The following FOXN3 variants were observed in gnomAD, a reference collection of about 807,000 sequenced individuals.
FOXN3 encodes forkhead box protein N3.
FOXN3 carries 7 observed loss-of-function variants against 38.4 expected under a neutral mutation model. The ratio of observed to expected loss-of-function variants is 0.18; its 90% CI spans 0.10 to 0.34. The LOEUF (loss-of-function observed/expected upper bound fraction) is 0.34, where lower values mean the gene tolerates loss of function less well. FOXN3 is among the 10% of genes least tolerant of loss of function. FOXN3 has a pLI of 1.00. For synonymous variants in FOXN3, 230 were observed against 242.2 expected (o/e 0.95, Z 0.47); for missense variants, 456 against 613.4 (o/e 0.74, Z 2.71).
chr14:89,550,573 C>A (rs1894983482), intron 1 of FOXN3, among the ~76,000 whole-genome samples: 2 of 152,208 alleles, frequency 1.3e-5, no homozygotes, highest in Non-Finnish European at 2.9e-5. Flanking sequence ...ATGCCCTTGA[C>A]AAACAGCACA....
intron 1 of FOXN3, among the ~76,000 whole-genome samples, chr14:89,464,952 A>G (rs116422222): frequency 6.6e-6 from 1 of 152,002 alleles, no homozygotes; most frequent in Non-Finnish European, 1.5e-5. Flanking sequence ...CACCTTGGCC[A>G]CCCAAAGTGC....
intron 4 of FOXN3, among the ~76,000 whole-genome samples, chr14:89,242,785 A>G (rs1885178487): frequency 6.6e-6 from 1 of 152,226 alleles, no homozygotes; most frequent in African/African-American, 2.4e-5. Context: ...TTATGATAAC[A>G]GAGTTCTACA....
intron 2 of FOXN3, among the ~76,000 whole-genome samples, chr14:89,365,911 A>G (rs1227458996): frequency 6.6e-6 from 1 of 152,188 alleles, no homozygotes; most frequent in Non-Finnish European, 1.5e-5. Flanking sequence ...ATTATTACAG[A>G]GAAACATAAA....
chr14:89,305,112 C>T lies in FOXN3; in HGVS notation c.681-24098G>A, dbSNP rs74855329. On this transcript the variant is annotated intron_variant, in intron 3 of 5. Coordinates refer to ENST00000557258, the MANE Select transcript of FOXN3 (RefSeq NM_005197.4). ...CTGAGCCCGGCTGATCTGGAGGGGA[C>T]GAGAGGAAGGCCTGGCCAGCACCAG... Among the ~76,000 whole-genome samples the T allele has an allele frequency of 3.2e-3, 480 of 152,130 alleles. 1 individual carries two copies. The highest frequency in any genetic ancestry group is 5.5e-3 in the Non-Finnish European group (372 of 68,012).
chr14:89,576,196 T>C (rs1895613243), intron 1 of FOXN3: 1 of 152,254 alleles, frequency 6.6e-6, no homozygotes, highest in African/African-American at 2.4e-5. Context: ...AATATAAATT[T>C]AGTGCATTTA....
intron 3 of FOXN3, among the ~76,000 whole-genome samples, chr14:89,337,049 T>C (rs2139994062): frequency 6.6e-6 from 1 of 152,170 alleles, no homozygotes; most frequent in East Asian, 1.9e-4. Flanking sequence ...AACAATCCAT[T>C]AAAAATCAGG....
At chr14:89,404,934 A>G (rs1443957871) in intron 2 of FOXN3, among the ~76,000 whole-genome samples, 1 of 152,172 alleles carries the variant, frequency 6.6e-6, no homozygotes, top group Non-Finnish European at 1.5e-5. Context: ...TCTTCCAATG[A>G]GCATTATTTA....
intron 3 of FOXN3, among the ~76,000 whole-genome samples, chr14:89,331,872 A>T (rs1419184299): frequency 6.6e-6 from 1 of 152,130 alleles, no homozygotes; most frequent in Non-Finnish European, 1.5e-5. Context: ...CCCATTACGG[A>T]GTGGTAATCT....
intron 3 of FOXN3, among the ~76,000 whole-genome samples, chr14:89,328,254 C>G (rs1286601767): frequency 2.6e-5 from 4 of 152,234 alleles, no homozygotes. Flanking sequence ...GCATGGCACA[C>G]AGGAGTTCCA....
chr14:89,189,518 A>C (rs1887891897), intron 4 of FOXN3, among the ~76,000 whole-genome samples: 2 of 152,218 alleles, frequency 1.3e-5, no homozygotes, highest in South Asian at 4.1e-4. Context: ...TCCTAACAAC[A>C]AGCTGAGCAG....
intron 1 of FOXN3, among the ~76,000 whole-genome samples, chr14:89,487,467 A>G (rs1042630620): frequency 3.9e-5 from 6 of 152,192 alleles, no homozygotes; most frequent in African/African-American, 7.2e-5. Flanking sequence ...CCCCTACCTG[A>G]TATCTACTGA....
chr14:89,201,437 C>T (rs1265261866), intron 4 of FOXN3, among the ~76,000 whole-genome samples: 1 of 152,206 alleles, frequency 6.6e-6, no homozygotes, highest in Non-Finnish European at 1.5e-5. Flanking sequence ...TGAAGCTCAC[C>T]GCCCAGGAGG....
chr14:89,457,035 T>C (rs1892741510), intron 1 of FOXN3, among the ~76,000 whole-genome samples: 1 of 152,214 alleles, frequency 6.6e-6, no homozygotes, highest in African/African-American at 2.4e-5. Context: ...TGATTCAGAC[T>C]CACACTGCAG....
At chr14:89,297,415 CCGGGCGTGGTGG>C (rs1308145360) in intron 3 of FOXN3, among the ~76,000 whole-genome samples, 2 of 152,012 alleles carry the variant, frequency 1.3e-5, no homozygotes, top group African/African-American at 4.8e-5. Context: ...AAAAAATTAG[CCGGGCGTGGTGG>C]CGGGCGCCTG....
intron 2 of FOXN3, among the ~76,000 whole-genome samples, chr14:89,397,441 TAAA>T (rs35139656): frequency 6.6e-5 from 8 of 120,646 alleles, no homozygotes; most frequent in African/African-American, 1.5e-4. Flanking sequence ...AAATAAAAGT[TAAA>T]AAAAAAAAAA....
chr14:89,520,389 T>C (rs1894295708), intron 1 of FOXN3, among the ~76,000 whole-genome samples: 1 of 152,144 alleles, frequency 6.6e-6, no homozygotes, highest in African/African-American at 2.4e-5. Flanking sequence ...ATGGGACATT[T>C]AAAATCTGGA....
chr14:89,219,516 G>A (rs1329091779), intron 4 of FOXN3, among the ~76,000 whole-genome samples: 2 of 152,196 alleles, frequency 1.3e-5, no homozygotes, highest in Non-Finnish European at 2.9e-5. Context: ...ATGAGGAAAG[G>A]GCCTTGTCTT....
intron 1 of FOXN3, among the ~76,000 whole-genome samples, chr14:89,565,536 C>T (rs891536134): frequency 6.6e-6 from 1 of 152,108 alleles, no homozygotes; most frequent in Non-Finnish European, 1.5e-5. Flanking sequence ...TCTCTGGGCC[C>T]GCCGTCCTCA....
rs116912405 is a variant in FOXN3, at chr14:89,542,662, G to A, written c.-15+76366C>T. Among the ~76,000 whole-genome samples the A allele has an allele frequency of 3.6e-3, 545 of 152,264 alleles. 2 individuals are homozygous for A. The highest frequency in any genetic ancestry group is 5.9e-3 in the Non-Finnish European group (398 of 68,024). ...GATGGCTTGGAGCAACCCCTTCCTT[G>A]TCTACCCAGAGAATTTCTGAAGTGT... On this transcript the variant is annotated intron_variant, in intron 1 of 6. Transcript: ENST00000345097.
Sources: allele counts gnomAD v4.1 joint callset (sites outside exome capture counted in the v4.1 genomes callset), GRCh38; gene constraint gnomAD v4.1.1; transcripts MANE v1.5; gene names NCBI Gene and HGNC (gene_info 2026-07-23, HGNC 2026-07-21).